PCDHGA2: variants seen among roughly 807,000 people sequenced by gnomAD.
PCDHGA2 encodes the protein protocadherin gamma subfamily A, 2.
Under a neutral mutation model 59.2 loss-of-function variants are expected in PCDHGA2, and 40 were observed. The observed-to-expected ratio is 0.68, with a 90% CI of 0.52 to 0.88. The LOEUF (loss-of-function observed/expected upper bound fraction) is 0.88. PCDHGA2 is among the 40% of genes least tolerant of loss of function. The pLI is 0.00. For missense variants in PCDHGA2, 1,226 were observed against 1,204.0 expected (o/e 1.02, Z -0.27); for synonymous variants, 560 against 526.0 (o/e 1.06, Z -0.89).
intron 1 of PCDHGA2, chr5:141,415,377 C>T (rs774655293): frequency 1.2e-6 from 2 of 1,614,118 alleles, no homozygotes; most frequent in African/African-American, 2.7e-5. Flanking sequence ...CTTCAGGAGG[C>T]GGCTTGACAG....
In PCDHGA2 at chr5:141,352,774, G is replaced by C. The variant is rs1208246035; in HGVS notation, c.2424+11379G>C. On this transcript the variant is annotated intron_variant, in intron 1 of 3. Transcript: ENST00000394576. ...CCAGGCTGAGGCAGGTGGATCACTT[G>C]AGGTCAGGAGTTTGAGACCAGCATA... The C allele has an allele frequency of 2.5e-6, 3 of 1,188,930 alleles. No individual in the cohort carries two copies. The African/African-American group carries it at 4.6e-5, about 18-fold the overall frequency. 73.6% of individuals were successfully genotyped at this position (1,188,930 alleles called of 1,614,324 possible). A position where few individuals can be genotyped will look rare whatever the true frequency, so the allele number is the denominator to read the frequency against.
intron 1 of PCDHGA2, among the ~76,000 whole-genome samples, chr5:141,464,525 A>G (rs919668801): frequency 3.3e-5 from 5 of 152,064 alleles, no homozygotes; most frequent in Non-Finnish European, 5.9e-5. Context: ...AGGCATATGT[A>G]GTTTTGTTAA....
At chr5:141,409,756 C>T in intron 1 of PCDHGA2, 1 of 1,612,994 alleles carries the variant, frequency 6.2e-7, no homozygotes, top group Non-Finnish European at 8.5e-7. Flanking sequence ...TCGCGCAGCG[C>T]GCCTTTGATC....
Position 141,388,879 on chromosome 5 carries a change from A to C in PCDHGA2, c.2424+47484A>C, listed in dbSNP as rs771776263. 3 of 1,613,956 alleles carry C rather than the reference A, an allele frequency of 1.9e-6. No individual in the cohort carries two copies. In the East Asian group the frequency reaches 6.7e-5, roughly 36 times the overall value. ...GGAATGATTGCGCAATGCACAGTGG[A>C]GGTAGAAGTCATAGATGAAAATGAC... On this transcript the variant is annotated intron_variant, in intron 1 of 3. Transcript: ENST00000394576.
At chr5:141,398,575 A>G in intron 1 of PCDHGA2, 1 of 1,614,046 alleles carries the variant, frequency 6.2e-7, no homozygotes, top group South Asian at 1.1e-5. Flanking sequence ...ACAGCCTGGC[A>G]CAAGATTTAT....
At chr5:141,370,927 T>A in intron 1 of PCDHGA2, 2 of 1,613,940 alleles carry the variant, frequency 1.2e-6, no homozygotes, top group Non-Finnish European at 1.7e-6. Context: ...GATCCGCACT[T>A]CTCTTTGATT....
intron 1 of PCDHGA2, chr5:141,393,700 A>T: frequency 6.2e-7 from 1 of 1,613,934 alleles, no homozygotes; most frequent in Non-Finnish European, 8.5e-7. Context: ...CAGCTTAATG[A>T]AAATACTGGG....
intron 1 of PCDHGA2, among the ~76,000 whole-genome samples, chr5:141,472,147 G>T (rs2099272889): frequency 6.6e-6 from 1 of 152,112 alleles, no homozygotes; most frequent in South Asian, 2.1e-4. Flanking sequence ...AAAGTTTCAT[G>T]GTTACATAGC....
chr5:141,355,254 T>G (rs754855559), intron 1 of PCDHGA2: 1 of 1,613,332 alleles, frequency 6.2e-7, no homozygotes, highest in South Asian at 1.1e-5. Flanking sequence ...AGATCTGCCT[T>G]CTCCTGGGGG....
At chr5:141,392,921 A>T in intron 1 of PCDHGA2, 2 of 1,613,940 alleles carry the variant, frequency 1.2e-6, no homozygotes, top group Non-Finnish European at 1.7e-6. Flanking sequence ...ACTCTGTGCC[A>T]GAAGAGACGG....
chr5:141,372,648 T>C, intron 1 of PCDHGA2: 1 of 1,614,024 alleles, frequency 6.2e-7, no homozygotes, highest in Non-Finnish European at 8.5e-7. Flanking sequence ...GCCTTATTCC[T>C]ACAATCCGTG....
chr5:141,419,350 G>A, intron 1 of PCDHGA2: 1 of 1,613,848 alleles, frequency 6.2e-7, no homozygotes, highest in Non-Finnish European at 8.5e-7. Context: ...GCGACCTGGA[G>A]TCACGAACGC....
intron 2 of PCDHGA2, among the ~76,000 whole-genome samples, chr5:141,496,419 C>T (rs1292183963): frequency 6.6e-6 from 1 of 152,174 alleles, no homozygotes; most frequent in Non-Finnish European, 1.5e-5. Flanking sequence ...TACTTGCTGT[C>T]CACATTTGCC....
intron 1 of PCDHGA2, chr5:141,371,109 C>A (rs781398183): frequency 6.2e-7 from 1 of 1,613,836 alleles, no homozygotes; most frequent in South Asian, 1.1e-5. Context: ...AAATGATAAC[C>A]CCCCAGTATT....
chr5:141,365,340 T>C (rs776988694), intron 1 of PCDHGA2: 5 of 1,613,832 alleles, frequency 3.1e-6, no homozygotes, highest in Admixed American at 1.7e-5. Flanking sequence ...GTGGTCACAG[T>C]ACAGGACGTG....
chr5:141,366,705 T>C, intron 1 of PCDHGA2: 2 of 1,614,234 alleles, frequency 1.2e-6, no homozygotes, highest in East Asian at 2.2e-5. Context: ...GAGCCTCTTC[T>C]GATGTCTGAT....
chr5:141,484,552 G>T (rs2099597743), intron 1 of PCDHGA2, among the ~76,000 whole-genome samples: 1 of 152,138 alleles, frequency 6.6e-6, no homozygotes, highest in African/African-American at 2.4e-5. Context: ...CTAATTAGCA[G>T]TTGCTCCAAT....
chr5:141,422,576 C>G (rs778942661), intron 1 of PCDHGA2: 1 of 1,614,034 alleles, frequency 6.2e-7, no homozygotes, highest in South Asian at 1.1e-5. Context: ...AACGATAACC[C>G]TCCCGTTTTT....
At chr5:141,382,188 C>A (rs1009846367) in intron 1 of PCDHGA2, among the ~76,000 whole-genome samples, 4 of 152,052 alleles carry the variant, frequency 2.6e-5, no homozygotes, top group Non-Finnish European at 4.4e-5. Context: ...AGGTTCTATA[C>A]AATCAAAAAT....
Sources: gnomAD v4.1 joint callset for allele counts (sites outside exome capture counted in the v4.1 genomes callset) on GRCh38, gnomAD v4.1.1 for gene constraint, MANE v1.5 for transcripts, NCBI Gene and HGNC (gene_info 2026-07-23, HGNC 2026-07-21) for gene names.